METTL24: variants seen among roughly 807,000 people sequenced by gnomAD.
The protein encoded by METTL24 is methyltransferase like 24, also known as probable methyltransferase-like protein 24.
METTL24 carries 29 observed loss-of-function variants against 32.7 expected under a neutral mutation model. That is an observed-to-expected ratio of 0.89 (90% CI 0.66 to 1.21). The LOEUF is 1.21. Ranked by LOEUF, METTL24 falls within the 50% of genes most tolerant of loss-of-function variation. METTL24 has a pLI of 0.00. For synonymous variants in METTL24, 163 were observed against 179.5 expected, an observed-to-expected ratio of 0.91 and a Z score of 0.73; for missense variants, 439 against 468.1, an observed-to-expected ratio of 0.94 and a Z score of 0.57.
intron 4 of METTL24, among the ~76,000 whole-genome samples, chr6:110,266,164 C>A (rs923191661): frequency 2.6e-5 from 4 of 151,936 alleles, no homozygotes; most frequent in Non-Finnish European, 4.4e-5. Context: ...CTCAAACTCC[C>A]AAAATGCTGC....
At chr6:110,331,659 CAAAAA>C (rs59304999) in intron 1 of METTL24, among the ~76,000 whole-genome samples, 3 of 58,854 alleles carry the variant, frequency 5.1e-5, no homozygotes, top group African/African-American at 5.9e-5. Context: ...GACCCTGCCT[CAAAAA>C]AAAAAAAAAA....
At chr6:110,279,650 C>T (rs915933630) in intron 4 of METTL24, among the ~76,000 whole-genome samples, 1 of 152,052 alleles carries the variant, frequency 6.6e-6, no homozygotes, top group Non-Finnish European at 1.5e-5. Flanking sequence ...TATGGAAAAA[C>T]TATAAAATAT....
At chr6:110,338,848 G>A (rs961708998) in intron 1 of METTL24, among the ~76,000 whole-genome samples, 4 of 152,162 alleles carry the variant, frequency 2.6e-5, no homozygotes, top group Non-Finnish European at 5.9e-5. Flanking sequence ...TCCAAAGACT[G>A]TTTGTATGTA....
At chr6:110,328,351 ATGTTTTCATTAC>A (rs1225462738) in intron 1 of METTL24, among the ~76,000 whole-genome samples, 1 of 152,220 alleles carries the variant, frequency 6.6e-6, no homozygotes, top group African/African-American at 2.4e-5. Context: ...TGAGAGGCAA[ATGTTTTCATTAC>A]TAGAGAAAAA....
chr6:110,291,175 CAG>C (rs1771312424), intron 4 of METTL24, among the ~76,000 whole-genome samples: 3 of 152,086 alleles, frequency 2.0e-5, no homozygotes, highest in African/African-American at 7.2e-5. Flanking sequence ...TTTTGATGAG[CAG>C]AGAGTTTTGA....
intron 1 of METTL24, among the ~76,000 whole-genome samples, chr6:110,331,905 C>T (rs891402550): frequency 8.5e-5 from 13 of 152,170 alleles, no homozygotes; most frequent in South Asian, 2.1e-4. Flanking sequence ...AAGGTGAGAA[C>T]GGGCAGAGCC....
intron 1 of METTL24, among the ~76,000 whole-genome samples, chr6:110,352,968 C>T (rs1403104086): frequency 6.6e-6 from 1 of 152,156 alleles, no homozygotes; most frequent in Non-Finnish European, 1.5e-5. Context: ...GGACAAATTA[C>T]ACACAAAAAG....
In METTL24 at chr6:110,348,592, C is replaced by T. The variant is rs532273948; in HGVS notation, c.318+9363G>A. Among the ~76,000 whole-genome samples, 7 of 152,354 alleles carry T rather than the reference C, an allele frequency of 4.6e-5. No homozygotes were observed. The South Asian group carries it at 6.2e-4, about 14-fold the overall frequency. On this transcript the variant is annotated intron_variant, in intron 1 of 4. Coordinates refer to ENST00000338882, the MANE Select transcript of METTL24 (RefSeq NM_001123364.3). Reference sequence around the variant, plus strand: ...AAAATAAACTAAAATGACTTGCTGTCGCATTGTGCACAATAGCAAATGCTA... The same window carrying T: ...AAAATAAACTAAAATGACTTGCTGTTGCATTGTGCACAATAGCAAATGCTA...
chr6:110,309,008 G>T (rs1301073927), intron 3 of METTL24, among the ~76,000 whole-genome samples: 1 of 152,108 alleles, frequency 6.6e-6, no homozygotes, highest in Admixed American at 6.5e-5. Context: ...GGGTACAGAG[G>T]CTTCTTTTTT....
At chr6:110,262,764 A>G (rs1214881090) in intron 4 of METTL24, among the ~76,000 whole-genome samples, 1 of 152,224 alleles carries the variant, frequency 6.6e-6, no homozygotes, top group African/African-American at 2.4e-5. Flanking sequence ...CAAAAAGCTT[A>G]TCCACCATGA....
intron 4 of METTL24, among the ~76,000 whole-genome samples, chr6:110,284,660 G>A (rs2114719970): frequency 6.6e-6 from 1 of 152,208 alleles, no homozygotes; most frequent in Non-Finnish European, 1.5e-5. Context: ...TATTTATCAT[G>A]TAGAATTACT....
chr6:110,270,982 C>T (rs1048245140), intron 4 of METTL24, among the ~76,000 whole-genome samples: 9 of 151,404 alleles, frequency 5.9e-5, no homozygotes, highest in East Asian at 1.9e-4. Context: ...GGACTATATG[C>T]GTGCGCCACT....
intron 4 of METTL24, among the ~76,000 whole-genome samples, chr6:110,286,579 C>A (rs1404763963): frequency 6.6e-6 from 1 of 152,202 alleles, no homozygotes; most frequent in Admixed American, 6.5e-5. Context: ...TTCCAGAACA[C>A]CATGTACATA....
intron 3 of METTL24, 92 bp from the exon 4 acceptor site, chr6:110,299,242 T>C (rs1771479003): frequency 9.0e-7 from 1 of 1,110,024 alleles, no homozygotes; most frequent in Non-Finnish European, 1.3e-6. Flanking sequence ...CCAAGGTTCT[T>C]AGTTATATCA....
chr6:110,247,948 G>A (rs1316809604), intron 4 of METTL24, among the ~76,000 whole-genome samples: 1 of 152,152 alleles, frequency 6.6e-6, no homozygotes, highest in Non-Finnish European at 1.5e-5. Context: ...TCTGGTGAGA[G>A]GTGTTTGGGT....
intron 4 of METTL24, among the ~76,000 whole-genome samples, chr6:110,253,150 C>A (rs1423082945): frequency 1.3e-5 from 2 of 152,148 alleles, no homozygotes. Context: ...TGTCTGACTG[C>A]CCCGAGGCGG....
chr6:110,340,836 A>G (rs567636947), intron 1 of METTL24, among the ~76,000 whole-genome samples: 1 of 151,084 alleles, frequency 6.6e-6, no homozygotes, highest in South Asian at 2.1e-4. Context: ...TACGTTCTCT[A>G]TTTTTTTTTC....
At chr6:110,280,168 G>A (rs1771112886) in intron 4 of METTL24, among the ~76,000 whole-genome samples, 2 of 152,222 alleles carry the variant, frequency 1.3e-5, no homozygotes, top group South Asian at 4.1e-4. Flanking sequence ...CAACATTTGG[G>A]ATTACAATTT....
At chr6:110,248,546 G>A (rs913114968) in intron 4 of METTL24, among the ~76,000 whole-genome samples, 1 of 152,084 alleles carries the variant, frequency 6.6e-6, no homozygotes, top group Non-Finnish European at 1.5e-5. Context: ...AAGAGAAAAA[G>A]TTAAAACAAA....
Sources: gnomAD v4.1 joint callset for allele counts (sites outside exome capture counted in the v4.1 genomes callset) on GRCh38, gnomAD v4.1.1 for gene constraint, MANE v1.5 for transcripts, NCBI Gene and HGNC (gene_info 2026-07-23, HGNC 2026-07-21) for gene names.